Variants in BBS5 observed in about 807,000 individuals in gnomAD.
BBS5 encodes the protein BBSome complex member BBS5.
In BBS5, 39 loss-of-function variants were observed where a neutral mutation model predicts 50.2. The ratio of observed to expected loss-of-function variants is 0.78; its 90% CI spans 0.60 to 1.01. The LOEUF (loss-of-function observed/expected upper bound fraction) is 1.01. Among genes scored for constraint, BBS5 ranks in the 50% least tolerant of loss-of-function variants. The pLI, the probability that BBS5 is intolerant of heterozygous loss-of-function variation, is 0.00. For synonymous variants in BBS5, 134 were observed against 133.1 expected, an observed-to-expected ratio of 1.01 and a Z score of -0.05; for missense variants, 356 against 401.5, an observed-to-expected ratio of 0.89 and a Z score of 0.97.
Position 169,505,151 on chromosome 2 carries a change from T to C in BBS5, c.*569T>C. On this transcript the variant is annotated 3_prime_UTR_variant, in exon 12 of 12. Coordinates refer to ENST00000295240, the MANE Select transcript of BBS5 (RefSeq NM_152384.3). ...CGTATTTTTTTGGTGGAGACGGGGT[T>C]TCGCTGTGTTGGCCGGGCTGGTCTC... 1.5e-6 allele frequency: 1 copy of C among 662,636 alleles called. No individual in the cohort carries two copies. The highest frequency in any genetic ancestry group is 2.2e-5 in the Admixed American group (1 of 44,956). The allele number at this position is 662,636 out of a possible 1,614,324, so 41.0% of individuals were successfully genotyped here. A position where few individuals can be genotyped will look rare whatever the true frequency, so the allele number is the denominator to read the frequency against.
chr2:169,496,970 G>A (rs1683705517), intron 7 of BBS5, among the ~76,000 whole-genome samples: 1 of 152,122 alleles, frequency 6.6e-6, no homozygotes, highest in Admixed American at 6.5e-5. Flanking sequence ...ACTAAACTAG[G>A]CTTAGGAGCT....
intron 2 of BBS5, among the ~76,000 whole-genome samples, chr2:169,485,396 A>T (rs564146336): frequency 1.6e-4 from 25 of 152,344 alleles, no homozygotes; most frequent in Non-Finnish European, 3.4e-4. Context: ...TCAAATGAGG[A>T]AACTGAGGAA....
chr2:169,490,493 G>A (rs1683577134), intron 5 of BBS5, among the ~76,000 whole-genome samples: 1 of 152,152 alleles, frequency 6.6e-6, no homozygotes, highest in Non-Finnish European at 1.5e-5. Flanking sequence ...TGGGATTACA[G>A]GCGTGAGCCA....
chr2:169,499,144 A>G (rs2353179), intron 8 of BBS5: 3,057 of 255,996 alleles, frequency 0.012, 48 homozygotes, highest in Middle Eastern at 0.032. Context: ...TTAAATCTTG[A>G]AAGGTTACCT....
chr2:169,487,896 G>C, intron 4 of BBS5, 41 bp downstream of exon 4: 1 of 1,573,152 alleles, frequency 6.4e-7, no homozygotes, highest in Non-Finnish European at 8.7e-7. Context: ...ATATAGTAAA[G>C]AAACTAGATA....
At chr2:169,497,232 A>G (rs1683709038) in intron 7 of BBS5, among the ~76,000 whole-genome samples, 1 of 152,208 alleles carries the variant, frequency 6.6e-6, no homozygotes, top group Non-Finnish European at 1.5e-5. Context: ...AGGCAGGAGG[A>G]GGATCCCTTA....
At chr2:169,487,192 C>A in intron 3 of BBS5, 58 bp downstream of exon 3, 1 of 1,146,252 alleles carries the variant, frequency 8.7e-7, no homozygotes, top group Non-Finnish European at 1.3e-6. Flanking sequence ...GGTGAATTTG[C>A]ATGGTGCCTT....
chr2:169,504,727 A>T lies in BBS5; in HGVS notation c.*145A>T. ...GAGTTTTTTTAATGATTGAGGAAAA[A>T]GTCATTTAGAAAACTTCAGTTTTCG... On this transcript the variant is annotated 3_prime_UTR_variant, in exon 12 of 12. Coordinates refer to ENST00000295240, the MANE Select transcript of BBS5 (RefSeq NM_152384.3). 1 of 1,209,936 alleles carries T rather than the reference A, an allele frequency of 8.3e-7. No individual in the cohort carries two copies. Among genetic ancestry groups the T allele is most frequent in the South Asian group, 1.4e-5 (1 of 73,842 alleles). 75.0% of individuals were successfully genotyped at this position (1,209,936 alleles called of 1,614,324 possible).
intron 10 of BBS5, among the ~76,000 whole-genome samples, chr2:169,503,443 T>A (rs1683845143): frequency 6.6e-6 from 1 of 152,046 alleles, no homozygotes; most frequent in African/African-American, 2.4e-5. Flanking sequence ...GCTGATCGCT[T>A]GAGAGGATAG....
rs956310554 is a variant in BBS5, at chr2:169,504,885, G to T, written c.*303G>T. 9.3e-6 allele frequency: 15 copies of T among 1,613,358 alleles called. No individual in the cohort carries two copies. Among genetic ancestry groups the T allele is most frequent in the Admixed American group, 1.7e-5 (1 of 59,990 alleles). ...CTCCTACAGCAGTGCCTGCACGCCC[G>T]GCTGCAAATTCGCCCAGCCAATGGG... On this transcript the variant is annotated 3_prime_UTR_variant, in exon 12 of 12. Coordinates refer to ENST00000295240, the MANE Select transcript of BBS5 (RefSeq NM_152384.3).
rs1298491820 is a variant in BBS5, at chr2:169,479,659, C to T, written c.59+47C>T. Reference sequence around the variant, plus strand: ...GGGATCTTCAACCCTGTAGAGGGCGCCGCCGTGCGCGTTAGGGACCCGCGG... The same window carrying T: ...GGGATCTTCAACCCTGTAGAGGGCGTCGCCGTGCGCGTTAGGGACCCGCGG... On this transcript the variant is annotated intron_variant, in intron 1 of 11. Coordinates refer to ENST00000295240, the MANE Select transcript of BBS5 (RefSeq NM_152384.3). 1.9e-6 allele frequency: 3 copies of T among 1,605,934 alleles called. No individual in the cohort carries two copies. In the East Asian group the frequency reaches 6.7e-5, roughly 36 times the overall value.
chr2:169,483,676 G>A (rs1446127722), intron 2 of BBS5, among the ~76,000 whole-genome samples: 1 of 152,126 alleles, frequency 6.6e-6, no homozygotes, highest in Non-Finnish European at 1.5e-5. Flanking sequence ...TCAGAAGAAA[G>A]GCTTAGAAAG....
Position 169,493,836 on chromosome 2 carries a change from T to A in BBS5, c.618T>A (p.Ile206=), listed in dbSNP as rs773705342. 3 of 1,562,452 alleles carry A rather than the reference T, an allele frequency of 1.9e-6. No homozygotes were observed. In the Admixed American group the frequency reaches 5.0e-5, roughly 26 times the overall value. The change falls in exon 7 of 12, where the codon ATT becomes ATA. Residue 206 remains isoleucine (I), a splice_region_variant and synonymous_variant. Coordinates refer to ENST00000295240, the MANE Select transcript of BBS5 (RefSeq NM_152384.3). ...ATGTCAGTATACCATATCTGCAAAT[T>A]GTAAGTACATACATTTTGATGACCT... ...SFNVSIPYLQ[I]RSIKIRDSKF...
intron 2 of BBS5, among the ~76,000 whole-genome samples, chr2:169,483,118 C>T (rs1010795072): frequency 1.3e-4 from 20 of 152,124 alleles, no homozygotes; most frequent in African/African-American, 4.6e-4. Context: ...AGACTTCATT[C>T]AGGAAAGGGG....
chr2:169,500,894 C>T (rs953858233), intron 9 of BBS5, among the ~76,000 whole-genome samples: 2 of 152,188 alleles, frequency 1.3e-5, no homozygotes, highest in East Asian at 1.9e-4. Context: ...GGTAATATCA[C>T]CTGCTCGTTC....
At chr2:169,503,735 T>C (rs1283344652) in intron 10 of BBS5, among the ~76,000 whole-genome samples, 1 of 152,248 alleles carries the variant, frequency 6.6e-6, no homozygotes, top group African/African-American at 2.4e-5. Flanking sequence ...CAAATTGGTA[T>C]CATTTAACTT....
intron 5 of BBS5, among the ~76,000 whole-genome samples, chr2:169,488,942 AAG>A (rs1234102211): frequency 6.6e-6 from 1 of 152,104 alleles, no homozygotes; most frequent in Non-Finnish European, 1.5e-5. Context: ...GTTTTCCCTG[AAG>A]AGTTTTATTG....
chr2:169,498,824 A>G (rs1683745252), intron 8 of BBS5, among the ~76,000 whole-genome samples: 2 of 151,450 alleles, frequency 1.3e-5, no homozygotes, highest in Admixed American at 1.3e-4. Context: ...AAAAAAAAAA[A>G]GAAAGGAAGG....
At chr2:169,495,343 A>C (rs746092170) in intron 7 of BBS5, among the ~76,000 whole-genome samples, 1 of 152,186 alleles carries the variant, frequency 6.6e-6, no homozygotes, top group Non-Finnish European at 1.5e-5. Flanking sequence ...CCTAACTTCT[A>C]TTATGCTGAA....
Sources: gnomAD v4.1 joint callset for allele counts (sites outside exome capture counted in the v4.1 genomes callset) on GRCh38, gnomAD v4.1.1 for gene constraint, MANE v1.5 for transcripts, NCBI Gene and HGNC (gene_info 2026-07-23, HGNC 2026-07-21) for gene names.